Variants in SIPA1L1 observed in about 807,000 individuals in gnomAD.
The protein encoded by SIPA1L1 is signal induced proliferation associated 1 like 1.
A neutral mutation model predicts 162.7 loss-of-function variants in SIPA1L1; 26 were observed. The ratio of observed to expected loss-of-function variants is 0.16; its 90% CI spans 0.12 to 0.22. SIPA1L1 has a LOEUF of 0.22. SIPA1L1 is among the 10% of genes least tolerant of loss of function. The pLI is 1.00. For missense variants in SIPA1L1, 1,874 were observed against 2,241.0 expected, an observed-to-expected ratio of 0.84 and a Z score of 3.31; for synonymous variants, 829 against 837.4, an observed-to-expected ratio of 0.99 and a Z score of 0.17.
intron 19 of SIPA1L1, among the ~76,000 whole-genome samples, chr14:71,726,618 G>A (rs1183649672): frequency 1.3e-5 from 2 of 152,182 alleles, no homozygotes; most frequent in Admixed American, 1.3e-4. Context: ...TGAAACAGGA[G>A]TGTGCTTTCT....
intron 2 of SIPA1L1, among the ~76,000 whole-genome samples, chr14:71,467,528 A>ATT (rs1022461901): frequency 6.6e-6 from 1 of 151,954 alleles, no homozygotes; most frequent in Non-Finnish European, 1.5e-5. Flanking sequence ...ATCTTGGAGT[A>ATT]TTTTTTTTGT....
intron 2 of SIPA1L1, among the ~76,000 whole-genome samples, chr14:71,347,527 T>C (rs1452053414): frequency 6.6e-6 from 1 of 152,214 alleles, no homozygotes; most frequent in East Asian, 1.9e-4. Flanking sequence ...AATTGTTGAC[T>C]TATATAGTAA....
intron 2 of SIPA1L1, among the ~76,000 whole-genome samples, chr14:71,325,478 G>T (rs1390154854): frequency 6.6e-6 from 1 of 152,176 alleles, no homozygotes; most frequent in Non-Finnish European, 1.5e-5. Flanking sequence ...CAGTGATTTG[G>T]TTTGTGATCA....
intron 20 of SIPA1L1, among the ~76,000 whole-genome samples, chr14:71,731,188 T>A (rs1210339617): frequency 6.6e-6 from 1 of 152,212 alleles, no homozygotes; most frequent in Non-Finnish European, 1.5e-5. Context: ...TTTCTTTACA[T>A]CTCTTGCTTT....
chr14:71,618,717 G>C (rs369788891), intron 5 of SIPA1L1, 40 bp from the exon 6 acceptor site: 1 of 1,593,386 alleles, frequency 6.3e-7, no homozygotes, highest in Non-Finnish European at 8.6e-7. Flanking sequence ...CAAAGTGTTA[G>C]GTAGATTTTC....
chr14:71,325,276 A>G (rs2033660917), intron 2 of SIPA1L1, among the ~76,000 whole-genome samples: 1 of 152,222 alleles, frequency 6.6e-6, no homozygotes, highest in South Asian at 2.1e-4. Flanking sequence ...AAACAAAAAC[A>G]AAACCCACAT....
chr14:71,544,071 G>A (rs186867742), intron 4 of SIPA1L1, among the ~76,000 whole-genome samples: 97 of 143,010 alleles, frequency 6.8e-4, no homozygotes, highest in East Asian at 2.3e-3. Context: ...ATATACACAC[G>A]CACGCACATG....
intron 4 of SIPA1L1, among the ~76,000 whole-genome samples, chr14:71,580,124 A>T (rs1452730829): frequency 6.6e-6 from 1 of 152,168 alleles, no homozygotes; most frequent in Non-Finnish European, 1.5e-5. Context: ...TGTAAATCTG[A>T]CTTCATCGCT....
chr14:71,723,356 C>T (rs2083923153), intron 17 of SIPA1L1, among the ~76,000 whole-genome samples: 1 of 152,194 alleles, frequency 6.6e-6, no homozygotes, highest in African/African-American at 2.4e-5. Context: ...CCGTGACAAA[C>T]GTCAGTGGTG....
intron 5 of SIPA1L1, among the ~76,000 whole-genome samples, chr14:71,611,798 T>C (rs1316710374): frequency 6.6e-6 from 1 of 152,216 alleles, no homozygotes; most frequent in African/African-American, 2.4e-5. Context: ...TTATCCAGTC[T>C]ATCAGTGATG....
At chr14:71,323,045 CTCT>C (rs1452770647) in intron 2 of SIPA1L1, among the ~76,000 whole-genome samples, 1 of 152,220 alleles carries the variant, frequency 6.6e-6, no homozygotes, top group Admixed American at 6.5e-5. Context: ...ATTCATTTAA[CTCT>C]TCTTTTGTCT....
At chr14:71,521,256 T>G (rs1039476317) in intron 3 of SIPA1L1, among the ~76,000 whole-genome samples, 1 of 152,204 alleles carries the variant, frequency 6.6e-6, no homozygotes, top group Non-Finnish European at 1.5e-5. Context: ...AATATAAGTT[T>G]TACGTGACAC....
At chr14:71,598,546 T>G (rs139964192) in intron 5 of SIPA1L1, among the ~76,000 whole-genome samples, 2 of 152,234 alleles carry the variant, frequency 1.3e-5, no homozygotes, top group East Asian at 1.9e-4. Flanking sequence ...AATTGAGAGA[T>G]AAATACTCTT....
At chr14:71,690,019 G>A (rs1280907089) in intron 13 of SIPA1L1, among the ~76,000 whole-genome samples, 2 of 152,182 alleles carry the variant, frequency 1.3e-5, no homozygotes, top group African/African-American at 4.8e-5. Context: ...CTTCCACTGT[G>A]TCATTTTCTG....
intron 2 of SIPA1L1, among the ~76,000 whole-genome samples, chr14:71,367,562 C>G (rs905619655): frequency 2.0e-5 from 3 of 150,960 alleles, no homozygotes; most frequent in Non-Finnish European, 4.4e-5. Context: ...CCCGCCTCGG[C>G]CTCCCAAAGT....
rs111690162 is a variant in SIPA1L1 at position 71,377,962 on chromosome 14, A to T, written c.-465+56781A>T. Among the ~76,000 whole-genome samples, 2,678 of 152,286 alleles carry T rather than the reference A, an allele frequency of 0.018. 30 individuals are homozygous for T. The highest frequency in any genetic ancestry group is 0.026 in the African/African-American group (1,064 of 41,558). ...CCTCGGCAACCGAGGGAGACCGTGG[A>T]AAGCAGGAGATGGAGACGAGGGAGA... On this transcript the variant is annotated intron_variant, in intron 2 of 23. Transcript: ENST00000381232. The surrounding 1 kb of genome is among the most constrained non-coding windows in gnomAD (Gnocchi z 4.8).
At position 71,370,645 on chromosome 14, in the gene SIPA1L1, T is replaced by C. The variant is rs79334129; in HGVS notation, c.-465+49464T>C. On this transcript the variant is annotated intron_variant, in intron 2 of 23. Transcript: ENST00000381232. ...ATATATGTACTAAGAGCATACATTA[T>C]CTCATTTCTTCATGTGGGTGTTACT... Among the ~76,000 whole-genome samples, 1,388 of 152,308 alleles carry C rather than the reference T, an allele frequency of 9.1e-3. 27 individuals carry two copies. The highest frequency in any genetic ancestry group is 0.032 in the African/African-American group (1,328 of 41,542).
chr14:71,525,905 A>T (rs1443287544), intron 3 of SIPA1L1, among the ~76,000 whole-genome samples: 2 of 152,146 alleles, frequency 1.3e-5, no homozygotes. Context: ...CTCTTCACCC[A>T]TCTGTTACTT....
chr14:71,623,938 C>A, intron 6 of SIPA1L1, 110 bp from the exon 7 acceptor site: 1 of 822,062 alleles, frequency 1.2e-6, no homozygotes, highest in Non-Finnish European at 1.9e-6. Flanking sequence ...CATCAAAAAT[C>A]ATTCCCTAGC....
Sources: gnomAD v4.1 joint callset for allele counts (sites outside exome capture counted in the v4.1 genomes callset) on GRCh38, gnomAD v4.1.1 for gene constraint, Gnocchi (gnomAD v3.1) non-coding constraint, MANE v1.5 for transcripts, NCBI Gene and HGNC (gene_info 2026-07-23, HGNC 2026-07-21) for gene names.